Variants in SORBS2 observed in about 807,000 individuals in gnomAD.
SORBS2 encodes the protein sorbin and SH3 domain containing 2, also known as sorbin and SH3 domain-containing protein 2.
A neutral mutation model predicts 97.7 loss-of-function variants in SORBS2; 46 were observed. That is an observed-to-expected ratio of 0.47 (90% CI 0.37 to 0.60). The LOEUF is 0.60. Among genes scored for constraint, SORBS2 ranks in the 20% least tolerant of loss-of-function variants. The pLI is 0.00. For missense variants in SORBS2, 1,316 were observed against 1,282.3 expected, an observed-to-expected ratio of 1.03 and a Z score of -0.40; for synonymous variants, 476 against 473.4, an observed-to-expected ratio of 1.01 and a Z score of -0.07.
chr4:185,789,673 G>A (rs1245192378), intron 1 of SORBS2, among the ~76,000 whole-genome samples: 1 of 151,768 alleles, frequency 6.6e-6, no homozygotes, highest in East Asian at 1.9e-4. Flanking sequence ...ATACATTGGT[G>A]TCCTCAGAAT....
At chr4:185,628,722 T>G (rs1222316706) in intron 5 of SORBS2, among the ~76,000 whole-genome samples, 4 of 152,172 alleles carry the variant, frequency 2.6e-5, no homozygotes, top group Non-Finnish European at 4.4e-5. Flanking sequence ...GCACTCCAGC[T>G]TGGGCAACAG....
intron 2 of SORBS2, among the ~76,000 whole-genome samples, chr4:185,745,792 G>A (rs1459877795): frequency 3.9e-5 from 6 of 151,964 alleles, no homozygotes; most frequent in African/African-American, 9.7e-5. Context: ...GACATCCCTC[G>A]GGCTACGTGG....
intron 1 of SORBS2, among the ~76,000 whole-genome samples, chr4:185,911,627 C>A (rs968887232): frequency 6.6e-6 from 1 of 152,148 alleles, no homozygotes; most frequent in Non-Finnish European, 1.5e-5. Context: ...CGGGATGTAT[C>A]TCAAGATCAA....
At chr4:185,845,348 T>G (rs1196363882) in intron 1 of SORBS2, among the ~76,000 whole-genome samples, 1 of 152,186 alleles carries the variant, frequency 6.6e-6, no homozygotes, top group Non-Finnish European at 1.5e-5. Flanking sequence ...TAGATAGTGA[T>G]GTTGGTTTTG....
intron 1 of SORBS2, among the ~76,000 whole-genome samples, chr4:185,781,257 G>C (rs969261982): frequency 3.9e-5 from 6 of 152,292 alleles, no homozygotes; most frequent in Non-Finnish European, 8.8e-5. Context: ...TTTTAAACTG[G>C]CTGCCTGAAT....
At chr4:185,600,790 A>G (rs1316410450) in intron 12 of SORBS2, among the ~76,000 whole-genome samples, 2 of 151,572 alleles carry the variant, frequency 1.3e-5, no homozygotes, top group Admixed American at 1.3e-4. Context: ...TGTATCAGAC[A>G]TTTGTTGGAG....
At chr4:185,822,701 C>T (rs1010047934) in intron 1 of SORBS2, among the ~76,000 whole-genome samples, 11 of 152,186 alleles carry the variant, frequency 7.2e-5, no homozygotes, top group African/African-American at 2.7e-4. Context: ...ATATTTTCCA[C>T]AGGGTGTTCC....
At chr4:185,935,237 C>A (rs1298625198) in intron 1 of SORBS2, among the ~76,000 whole-genome samples, 1 of 152,162 alleles carries the variant, frequency 6.6e-6, no homozygotes, top group Non-Finnish European at 1.5e-5. Flanking sequence ...GGGTTCAATC[C>A]CAAGTATCTA....
intron 1 of SORBS2, among the ~76,000 whole-genome samples, chr4:185,806,436 ATTTTTTTTTTTTTTTT>A (rs35448726): frequency 4.4e-5 from 1 of 22,680 alleles, no homozygotes; most frequent in African/African-American, 1.4e-4. Flanking sequence ...CTAGAATCCT[ATTTTTTTTTTTTTTTT>A]TTTTTTTTTT....
intron 2 of SORBS2, among the ~76,000 whole-genome samples, chr4:185,703,568 C>T (rs912242537): frequency 6.6e-6 from 1 of 152,176 alleles, no homozygotes; most frequent in African/African-American, 2.4e-5. Context: ...TCAGTCATGC[C>T]ATAACTTGCT....
At chr4:185,646,829 A>G (rs2097215583) in intron 3 of SORBS2, 47 bp from the exon 13 acceptor site, 1 of 1,100,768 alleles carries the variant, frequency 9.1e-7, no homozygotes, top group Non-Finnish European at 1.4e-6. Flanking sequence ...CTTTTTGCTT[A>G]AAGCAATTGT....
At chr4:185,797,345 C>T (rs76550224) in intron 1 of SORBS2, among the ~76,000 whole-genome samples, 2 of 152,174 alleles carry the variant, frequency 1.3e-5, no homozygotes, top group Non-Finnish European at 2.9e-5. Context: ...ATTTCGTAAT[C>T]TTTTCTTGTG....
intron 1 of SORBS2, among the ~76,000 whole-genome samples, chr4:185,833,019 C>T (rs2099205957): frequency 6.6e-6 from 1 of 152,152 alleles, no homozygotes; most frequent in African/African-American, 2.4e-5. Context: ...AAGGTCTTTC[C>T]TATCTAGCTG....
At chr4:185,884,902 C>T (rs2099238619) in intron 1 of SORBS2, among the ~76,000 whole-genome samples, 1 of 152,168 alleles carries the variant, frequency 6.6e-6, no homozygotes, top group African/African-American at 2.4e-5. Flanking sequence ...AATCAAGTTA[C>T]AGTCATACTG....
intron 2 of SORBS2, among the ~76,000 whole-genome samples, chr4:185,713,380 C>T (rs2098439850): frequency 6.6e-6 from 1 of 152,172 alleles, no homozygotes; most frequent in East Asian, 1.9e-4. Flanking sequence ...TTCTGCAGAA[C>T]ACTTCTTATC....
chr4:185,825,662 A>G (rs2099199384), intron 1 of SORBS2, among the ~76,000 whole-genome samples: 4 of 152,074 alleles, frequency 2.6e-5, no homozygotes, highest in Non-Finnish European at 5.9e-5. Flanking sequence ...CTGGTATTAT[A>G]TTTTTTGTTG....
chr4:185,781,501 AGCC>A (rs2099028813), intron 1 of SORBS2, among the ~76,000 whole-genome samples: 1 of 151,356 alleles, frequency 6.6e-6, no homozygotes, highest in African/African-American at 2.4e-5. Flanking sequence ...CAGCCTCTCT[AGCC>A]TCCCTTCCAT....
chr4:185,792,902 CAT>C (rs1180180159), intron 1 of SORBS2, among the ~76,000 whole-genome samples: 1 of 152,226 alleles, frequency 6.6e-6, no homozygotes, highest in Admixed American at 6.5e-5. Context: ...ACTTTCCCCA[CAT>C]GTGTGACCCT....
chr4:185,806,312 C>A (rs1214117805), intron 1 of SORBS2, among the ~76,000 whole-genome samples: 1 of 152,290 alleles, frequency 6.6e-6, no homozygotes, highest in African/African-American at 2.4e-5. Context: ...TCCAACATAG[C>A]CAAAATCTCA....
Sources: gnomAD v4.1 joint callset for allele counts (sites outside exome capture counted in the v4.1 genomes callset) on GRCh38, gnomAD v4.1.1 for gene constraint, MANE v1.5 for transcripts, NCBI Gene and HGNC (gene_info 2026-07-23, HGNC 2026-07-21) for gene names.